Variants in KHDC1 observed in about 807,000 individuals in gnomAD.
KHDC1 encodes the protein KH homology domain-containing protein 1.
In KHDC1, 21 loss-of-function variants were observed where a neutral mutation model predicts 24.7. The ratio of observed to expected loss-of-function variants is 0.85; its 90% CI spans 0.60 to 1.23. The LOEUF (loss-of-function observed/expected upper bound fraction) is 1.23, where lower values mean the gene tolerates loss of function less well. KHDC1 is among the 50% of genes most tolerant of loss of function. KHDC1 has a pLI of 0.00. For missense variants in KHDC1, 274 were observed against 298.5 expected (o/e 0.92, Z 0.61); for synonymous variants, 98 against 111.7 (o/e 0.88, Z 0.77).
At chr6:73,249,283 GA>G (rs35817463) in intron 2 of KHDC1, among the ~76,000 whole-genome samples, 24 of 149,678 alleles carry the variant, frequency 1.6e-4, no homozygotes, top group African/African-American at 4.7e-4. Context: ...CCAGTCTCTT[GA>G]AAAAAAAAAT....
intron 2 of KHDC1, chr6:73,263,526 G>C (rs1767025165): frequency 6.6e-6 from 1 of 151,096 alleles, no homozygotes; most frequent in South Asian, 2.1e-4. Flanking sequence ...GATATGGGGT[G>C]AAAAACCCTA....
At chr6:73,290,962 G>T (rs923241963) in intron 2 of KHDC1, 4 of 354,212 alleles carry the variant, frequency 1.1e-5, no homozygotes, top group Non-Finnish European at 2.2e-5. Context: ...CTCTGTGCAT[G>T]TGTTGCACCA....
At chr6:73,264,347 C>G (rs1312256606) in intron 2 of KHDC1, among the ~76,000 whole-genome samples, 7 of 152,176 alleles carry the variant, frequency 4.6e-5, no homozygotes, top group Non-Finnish European at 8.8e-5. Context: ...AATAAAAGTT[C>G]TAACTTTGAG....
chr6:73,263,179 G>A (rs1340097452), intron 2 of KHDC1: 2 of 987,530 alleles, frequency 2.0e-6, no homozygotes, highest in Non-Finnish European at 2.4e-6. Context: ...GCCGCGCGAG[G>A]CGCGCTCGAG....
chr6:73,307,288 CGT>C (rs1052766742), intron 1 of KHDC1, among the ~76,000 whole-genome samples: 5 of 151,620 alleles, frequency 3.3e-5, no homozygotes, highest in African/African-American at 1.2e-4. Flanking sequence ...ATTAGCCAGG[CGT>C]GATGCCGGGC....
chr6:73,248,918 C>T (rs1336799779), intron 2 of KHDC1, among the ~76,000 whole-genome samples: 1 of 143,282 alleles, frequency 7.0e-6, no homozygotes, highest in East Asian at 2.0e-4. Context: ...CTGAGGTTTT[C>T]TAGTATGGCC....
chr6:73,244,438 G>A (rs960389966), intron 2 of KHDC1, among the ~76,000 whole-genome samples: 2 of 152,088 alleles, frequency 1.3e-5, no homozygotes, highest in African/African-American at 4.8e-5. Context: ...GTTGTTTGAG[G>A]TCAGTGTTCA....
intron 2 of KHDC1, among the ~76,000 whole-genome samples, chr6:73,260,041 T>C (rs1199425198): frequency 6.6e-6 from 1 of 152,198 alleles, no homozygotes; most frequent in Non-Finnish European, 1.5e-5. Flanking sequence ...CATCAGGGTA[T>C]TTGGGACATC....
intron 2 of KHDC1, among the ~76,000 whole-genome samples, chr6:73,283,027 C>T (rs1019220715): frequency 5.3e-5 from 8 of 152,208 alleles, no homozygotes; most frequent in African/African-American, 7.2e-5. Flanking sequence ...AGTTACATAC[C>T]GGAGGTACAT....
At chr6:73,309,980 G>A (rs1288723372) in exon 1 of KHDC1, 2 of 436,792 alleles carry the variant, frequency 4.6e-6, no homozygotes, top group Non-Finnish European at 8.1e-6. Flanking sequence ...CTCCAGGCTC[G>A]GTCACCAAAC....
chr6:73,299,684 A>T (rs1162558446), intron 1 of KHDC1: 1 of 153,002 alleles, frequency 6.5e-6, no homozygotes, highest in South Asian at 2.1e-4. Context: ...CCCAGCCAGG[A>T]CCCCTCGCGC....
rs1030602878 is a variant in KHDC1, at chr6:73,242,685, A to T, written c.207-155T>A. On this transcript the variant is annotated intron_variant, in intron 2 of 4. Transcript: ENST00000370384. ...TACAATCCCGGTATCTCTTCCCAAG[A>T]TAATTCATTCCAAGTAATTATCTGT... The T allele has an allele frequency of 9.9e-6, 8 of 807,702 alleles. No individual in the cohort carries two copies. The African/African-American group carries it at 1.4e-4, about 14-fold the overall frequency. The allele number at this position is 807,702 out of a possible 1,614,324, so 50.0% of individuals were successfully genotyped here. A position where few individuals can be genotyped will look rare whatever the true frequency, so the allele number is the denominator to read the frequency against.
At chr6:73,242,643 C>A in intron 2 of KHDC1, 113 bp from the exon 2 acceptor site, 1 of 1,341,888 alleles carries the variant, frequency 7.5e-7, no homozygotes, top group Non-Finnish European at 1.0e-6. Context: ...GCCCCTTGAA[C>A]TACCTTAGGG....
chr6:73,290,478 A>G (rs36049164), intron 2 of KHDC1: 2 of 361,336 alleles, frequency 5.5e-6, no homozygotes, highest in East Asian at 1.4e-4. Flanking sequence ...ATGATAGTAC[A>G]TCTAAAAATG....
At chr6:73,307,321 G>A (rs1374112402) in intron 1 of KHDC1, among the ~76,000 whole-genome samples, 3 of 151,568 alleles carry the variant, frequency 2.0e-5, no homozygotes, top group East Asian at 2.0e-4. Flanking sequence ...CCAGCTACTC[G>A]GGAGGCTGGC....
At chr6:73,254,927 G>A (rs1014278101) in intron 2 of KHDC1, among the ~76,000 whole-genome samples, 1 of 151,784 alleles carries the variant, frequency 6.6e-6, no homozygotes, top group Non-Finnish European at 1.5e-5. Flanking sequence ...GCGTGGCCCC[G>A]GGAGGCAGAG....
At chr6:73,292,341 A>T (rs963139520) in intron 1 of KHDC1, 8 of 856,848 alleles carry the variant, frequency 9.3e-6, no homozygotes, top group Non-Finnish European at 1.6e-5. Flanking sequence ...AGGCAGGAGT[A>T]TTTAGATACA....
intron 1 of KHDC1, among the ~76,000 whole-genome samples, chr6:73,306,668 G>T (rs1184732073): frequency 6.6e-6 from 1 of 151,854 alleles, no homozygotes; most frequent in African/African-American, 2.4e-5. Flanking sequence ...TTGGGGTGGG[G>T]GTTGGTGCCC....
chr6:73,279,528 T>G (rs1387755012), intron 2 of KHDC1, among the ~76,000 whole-genome samples: 2 of 151,936 alleles, frequency 1.3e-5, no homozygotes, highest in Non-Finnish European at 2.9e-5. Flanking sequence ...GGAAAATATA[T>G]TGAAATTTTT....
Sources: gnomAD v4.1 joint callset for allele counts (sites outside exome capture counted in the v4.1 genomes callset) on GRCh38, gnomAD v4.1.1 for gene constraint, MANE v1.5 for transcripts, NCBI Gene and HGNC (gene_info 2026-07-23, HGNC 2026-07-21) for gene names.